Variants in ALK observed in about 807,000 individuals in gnomAD.
ALK encodes the protein ALK receptor tyrosine kinase.
In ALK, 74 loss-of-function variants were observed where a neutral mutation model predicts 163.1. The ratio of observed to expected loss-of-function variants is 0.45; its 90% confidence interval spans 0.38 to 0.55. The LOEUF is 0.55. Ranked by LOEUF, ALK falls within the 20% of genes least tolerant of loss-of-function variation. The probability of loss-of-function intolerance (pLI) is 0.00; values close to 1 mark genes in which losing one functional copy is unlikely to be tolerated. For synonymous variants in ALK, 960 were observed against 843.2 expected (o/e 1.14, Z -2.40); for missense variants, 2,063 against 2,105.3 (o/e 0.98, Z 0.39).
At chr2:29,894,035 A>G (rs1667209678) in intron 1 of ALK, among the ~76,000 whole-genome samples, 1 of 152,220 alleles carries the variant, frequency 6.6e-6, no homozygotes, top group African/African-American at 2.4e-5. Context: ...GAATGAAGAA[A>G]TGGAAAACTA....
intron 1 of ALK, among the ~76,000 whole-genome samples, chr2:29,729,143 G>A (rs1679663976): frequency 6.6e-6 from 1 of 152,160 alleles, no homozygotes; most frequent in South Asian, 2.1e-4. Context: ...TCTGAAACCT[G>A]AATTACCTTC....
At chr2:29,314,758 C>A (rs1455316760) in intron 8 of ALK, among the ~76,000 whole-genome samples, 3 of 152,184 alleles carry the variant, frequency 2.0e-5, no homozygotes. Flanking sequence ...TAGTCACAGG[C>A]AGGCTATTCA....
At chr2:29,362,477 G>A (rs998768958) in intron 5 of ALK, among the ~76,000 whole-genome samples, 3 of 152,198 alleles carry the variant, frequency 2.0e-5, no homozygotes, top group African/African-American at 7.2e-5. Context: ...ACCCTCCTAA[G>A]AGGGGTGTGT....
At chr2:29,591,610 A>G (rs2148207198) in intron 3 of ALK, among the ~76,000 whole-genome samples, 1 of 152,318 alleles carries the variant, frequency 6.6e-6, no homozygotes, top group Admixed American at 6.5e-5. Context: ...ATAGAGCTCT[A>G]AGATGGCATT....
At chr2:29,363,784 C>G (rs952801883) in intron 5 of ALK, among the ~76,000 whole-genome samples, 1 of 152,192 alleles carries the variant, frequency 6.6e-6, no homozygotes, top group Non-Finnish European at 1.5e-5. Flanking sequence ...GTCAACAATT[C>G]AGACTCAGCC....
At chr2:29,197,418 G>C (rs1256730381) in intron 27 of ALK, 124 bp downstream of exon 27, 6 of 1,426,706 alleles carry the variant, frequency 4.2e-6, no homozygotes, top group Non-Finnish European at 4.8e-6. Context: ...TCGCATCTTG[G>C]GGCATATTAA....
chr2:29,226,896 T>C lies in ALK; in HGVS notation c.3067+26A>G, dbSNP rs145846569. ...CCAAATCTCAGGCTATGGGCCCCTC[T>C]GCCTCCCCTGGCCCTGCCCCCTTAC... On this transcript the variant is annotated intron_variant, in intron 18 of 28. Transcript: ENST00000389048. The C allele has an allele frequency of 1.6e-3, 2,597 of 1,613,752 alleles. 6 individuals are homozygous for C. Among genetic ancestry groups the C allele is most frequent in the Middle Eastern group, 6.3e-3 (37 of 5,870 alleles).
At chr2:29,909,979 C>CAA (rs563460919) in intron 1 of ALK, among the ~76,000 whole-genome samples, 11,673 of 81,554 alleles carry the variant, frequency 0.14, 1,269 homozygotes, top group African/African-American at 0.33. Context: ...TGCACCACAC[C>CAA]AAAAAAAAAA....
chr2:29,807,162 AG>A (rs1664638967), intron 1 of ALK, among the ~76,000 whole-genome samples: 1 of 152,218 alleles, frequency 6.6e-6, no homozygotes, highest in African/African-American at 2.4e-5. Flanking sequence ...GGTGCTACCA[AG>A]AGCTCGCCTT....
chr2:29,897,178 G>T (rs1667292611), intron 1 of ALK, among the ~76,000 whole-genome samples: 1 of 151,950 alleles, frequency 6.6e-6, no homozygotes, highest in Non-Finnish European at 1.5e-5. Context: ...AAATTAGCTG[G>T]GCATGTTGAT....
At chr2:29,849,317 A>C (rs1665934756) in intron 1 of ALK, among the ~76,000 whole-genome samples, 1 of 152,174 alleles carries the variant, frequency 6.6e-6, no homozygotes, top group Non-Finnish European at 1.5e-5. Context: ...ATGTCCCCTG[A>C]CTAACTGTAT....
At position 29,897,345 on chromosome 2, in the gene ALK, AAATT is replaced by A. The variant is rs1667298124; in HGVS notation, c.667+22644_667+22647del. ...AGAGTGAGACTCCATCTCAAAAAAA[AAATT>A]AATTAATAAATAAATAACAATAAAA... On this transcript the variant is annotated intron_variant, in intron 1 of 28. Coordinates refer to ENST00000389048, the MANE Select transcript of ALK (RefSeq NM_004304.5). Among the ~76,000 whole-genome samples the A allele has an allele frequency of 2.0e-5, 3 of 152,292 alleles. No homozygotes were observed. The South Asian group carries it at 6.2e-4, about 32-fold the overall frequency.
chr2:29,533,878 G>A (rs1223345616), intron 3 of ALK, among the ~76,000 whole-genome samples: 1 of 152,186 alleles, frequency 6.6e-6, no homozygotes, highest in Non-Finnish European at 1.5e-5. Flanking sequence ...TCAGGAAGGA[G>A]GAGACAGGAG....
At chr2:29,392,599 C>T (rs866902610) in intron 4 of ALK, among the ~76,000 whole-genome samples, 1 of 152,162 alleles carries the variant, frequency 6.6e-6, no homozygotes, top group Non-Finnish European at 1.5e-5. Context: ...TCCACCCTGG[C>T]CCTGGCTGAG....
chr2:29,915,049 A>G (rs1667797629), intron 1 of ALK, among the ~76,000 whole-genome samples: 1 of 152,250 alleles, frequency 6.6e-6, no homozygotes, highest in African/African-American at 2.4e-5. Flanking sequence ...CCAAATAACC[A>G]TAACAGGACA....
intron 1 of ALK, among the ~76,000 whole-genome samples, chr2:29,763,158 TCTAG>T (rs1680759780): frequency 6.6e-6 from 1 of 151,998 alleles, no homozygotes; most frequent in African/African-American, 2.4e-5. Flanking sequence ...GCCACCACTT[TCTAG>T]CTGTGTGACA....
chr2:29,355,543 C>T (rs747664946), intron 5 of ALK, among the ~76,000 whole-genome samples: 99 of 152,262 alleles, frequency 6.5e-4, no homozygotes, highest in Admixed American at 1.5e-3. Context: ...AATGCATGTC[C>T]TTATGCCACT....
At chr2:29,894,594 G>A (rs1167442917) in intron 1 of ALK, among the ~76,000 whole-genome samples, 2 of 151,772 alleles carry the variant, frequency 1.3e-5, no homozygotes, top group Admixed American at 1.3e-4. Context: ...TAAATTAGTG[G>A]GGACCAGCAA....
At chr2:29,521,652 GGA>G (rs943754973) in intron 4 of ALK, among the ~76,000 whole-genome samples, 9 of 152,200 alleles carry the variant, frequency 5.9e-5, no homozygotes, top group Non-Finnish European at 1.3e-4. Flanking sequence ...TGAGAAAGAA[GGA>G]GGTTTGCTTT....
Sources: allele counts gnomAD v4.1 joint callset (sites outside exome capture counted in the v4.1 genomes callset), GRCh38; gene constraint gnomAD v4.1.1; transcripts MANE v1.5; gene names NCBI Gene and HGNC (gene_info 2026-07-23, HGNC 2026-07-21).